Variants in MGAT5 observed in about 807,000 individuals in gnomAD.
The protein encoded by MGAT5 is alpha-1,6-mannosylglycoprotein 6-beta-N-acetylglucosaminyltransferase A.
In MGAT5, 30 loss-of-function variants were observed where a neutral mutation model predicts 94.3. The ratio of observed to expected loss-of-function variants is 0.32; its 90% CI spans 0.24 to 0.43. The LOEUF is 0.43. Among genes scored for constraint, MGAT5 ranks in the 20% least tolerant of loss-of-function variants. The pLI is 1.00. For synonymous variants in MGAT5, 310 were observed against 322.9 expected (o/e 0.96, Z 0.43); for missense variants, 691 against 905.5 (o/e 0.76, Z 3.04).
chr2:134,266,556 G>T (rs3828177), intron 1 of MGAT5, among the ~76,000 whole-genome samples: 10,891 of 152,284 alleles, frequency 0.072, 489 homozygotes, highest in East Asian at 0.15. Context: ...ACTGTTAACA[G>T]TTTTTGGAGG....
chr2:134,284,670 C>T (rs1684898734), intron 2 of MGAT5, among the ~76,000 whole-genome samples: 1 of 151,866 alleles, frequency 6.6e-6, no homozygotes, highest in African/African-American at 2.4e-5. Context: ...TAGTTCTTTC[C>T]TCAGAGCAAA....
At chr2:134,215,294 C>T (rs1320659195) in intron 1 of MGAT5, among the ~76,000 whole-genome samples, 2 of 152,160 alleles carry the variant, frequency 1.3e-5, no homozygotes, top group African/African-American at 4.8e-5. Context: ...ACAGTTGACT[C>T]TTGTCTTAGG....
intron 1 of MGAT5, among the ~76,000 whole-genome samples, chr2:134,235,992 A>G (rs750685999): frequency 3.3e-5 from 5 of 152,144 alleles, no homozygotes; most frequent in Non-Finnish European, 4.4e-5. Flanking sequence ...ATCATTCTGA[A>G]GTAGTGAAAA....
chr2:134,250,348 G>A (rs1682522002), upstream of MGAT5, among the ~76,000 whole-genome samples: 1 of 152,224 alleles, frequency 6.6e-6, no homozygotes, highest in Admixed American at 6.5e-5. Flanking sequence ...GACTTAGCTA[G>A]AGGACACAGC....
intron 4 of MGAT5, among the ~76,000 whole-genome samples, chr2:134,333,573 TTAAAG>T (rs1688132962): frequency 6.6e-6 from 1 of 151,662 alleles, no homozygotes; most frequent in African/African-American, 2.4e-5. Context: ...ACCCTAAAAC[TTAAAG>T]TATAATAATA....
chr2:134,369,727 TTG>T lies in MGAT5; in HGVS notation c.1380+7348_1380+7349del, dbSNP rs10526028. Among the ~76,000 whole-genome samples the T allele has an allele frequency of 1.3e-3, 192 of 142,280 alleles. 1 individual carries two copies. Among genetic ancestry groups the T allele is most frequent in the Non-Finnish European group, 1.6e-3 (108 of 65,614 alleles). The allele number at this position is 142,280 out of a possible 152,430, so 93.3% of individuals were successfully genotyped here. On this transcript the variant is annotated intron_variant, in intron 10 of 15. Transcript: ENST00000281923. The stretch of plus-strand genomic sequence containing the variant: ...TGGTGATAGCTTTATGGTTTTTACA[TTG>T]TGTGTGTGTGTGTGTGTGTGTGTGT...
In MGAT5 at chr2:134,164,789, C is replaced by T. The variant is rs955210021; in HGVS notation, c.-143+44498C>T. Among the ~76,000 whole-genome samples the T allele has an allele frequency of 2.0e-5, 3 of 151,352 alleles. No individual in the cohort carries two copies. The East Asian group carries it at 5.8e-4, about 29-fold the overall frequency. On this transcript the variant is annotated intron_variant, in intron 1 of 16. Coordinates refer to the MGAT5 transcript ENST00000409645. ...AGGCTGTTGTGTGCTATAATTGGGC[C>T]TGTGAATAGCCACTCTGTTCCAGCC...
intron 1 of MGAT5, among the ~76,000 whole-genome samples, chr2:134,230,989 C>T (rs1350021961): frequency 6.6e-6 from 1 of 152,158 alleles, no homozygotes; most frequent in Non-Finnish European, 1.5e-5. Context: ...TGTGCTACAA[C>T]ATTGGACCTT....
intron 1 of MGAT5, among the ~76,000 whole-genome samples, chr2:134,179,033 A>G (rs1018228393): frequency 6.6e-6 from 1 of 152,218 alleles, no homozygotes; most frequent in African/African-American, 2.4e-5. Flanking sequence ...CTGGTCATTC[A>G]TGGACATACA....
chr2:134,177,144 C>CGT lies in MGAT5; in HGVS notation c.-143+56870_-143+56871dup, dbSNP rs141358502. Among the ~76,000 whole-genome samples the CGT allele has an allele frequency of 6.7e-3, 955 of 142,622 alleles. 6 individuals are homozygous for CGT. Among genetic ancestry groups the CGT allele is most frequent in the Non-Finnish European group, 0.01 (687 of 66,814 alleles). 93.6% of individuals were successfully genotyped at this position (142,622 alleles called of 152,430 possible). ...AGGGACCTCCTGTAACAAATGAACC[C>CGT]GTGTGTGTGTGTGTGTGTATGTATC... On this transcript the variant is annotated intron_variant, in intron 1 of 16. Coordinates refer to the MGAT5 transcript ENST00000409645.
In MGAT5 at chr2:134,428,245, C is replaced by T. The variant is rs1684694355; in HGVS notation, c.1795-120C>T. 7 of 808,946 alleles carry T rather than the reference C, an allele frequency of 8.7e-6. No homozygotes were observed. In the South Asian group the frequency reaches 1.2e-4, roughly 14 times the overall value. 50.1% of individuals were successfully genotyped at this position (808,946 alleles called of 1,614,324 possible). On this transcript the variant is annotated intron_variant, in intron 13 of 15. Transcript: ENST00000281923. ...AGATCACGACTTGCAAGTCCATAGT[C>T]AACCCTCATGAGGCCGACTCCTGGT... is the stretch of plus-strand genomic sequence containing the variant.
intron 15 of MGAT5, among the ~76,000 whole-genome samples, chr2:134,443,301 C>T (rs1235994293): frequency 3.9e-5 from 6 of 152,092 alleles, no homozygotes; most frequent in South Asian, 2.1e-4. Flanking sequence ...GCAATTCTCA[C>T]GCCTCAGCCT....
chr2:134,358,144 G>T (rs1489762212), intron 9 of MGAT5, among the ~76,000 whole-genome samples: 2 of 149,692 alleles, frequency 1.3e-5, no homozygotes, highest in African/African-American at 4.9e-5. Flanking sequence ...ACCATTTACT[G>T]TATCAATCTA....
chr2:134,125,057 G>A (rs1685778475), intron 1 of MGAT5, among the ~76,000 whole-genome samples: 1 of 151,920 alleles, frequency 6.6e-6, no homozygotes, highest in African/African-American at 2.4e-5. Context: ...ATGGGAGTGT[G>A]TTATGTTGGT....
chr2:134,269,323 G>A (rs547892860), intron 1 of MGAT5, among the ~76,000 whole-genome samples: 4 of 152,218 alleles, frequency 2.6e-5, no homozygotes, highest in South Asian at 4.1e-4. Context: ...CCAGATTACC[G>A]CATCTGCTCA....
intron 1 of MGAT5, among the ~76,000 whole-genome samples, chr2:134,175,720 C>T (rs895444248): frequency 6.6e-6 from 1 of 152,188 alleles, no homozygotes; most frequent in Non-Finnish European, 1.5e-5. Flanking sequence ...ATAGTTGATG[C>T]CACTTTGTGA....
chr2:134,449,706 ACCCT>A lies in MGAT5; in HGVS notation c.*866_*869del, dbSNP rs1201617731. On this transcript the variant is annotated 3_prime_UTR_variant, in exon 16 of 16. Coordinates refer to ENST00000281923, the MANE Select transcript of MGAT5 (RefSeq NM_002410.5). ...GGATTTTGGAGTTTCTGGTAAACTC[ACCCT>A]CCCTCCAGCCCCGCTATGAGGAGGA... 6.6e-6 allele frequency: 1 copy of A among 152,178 alleles called. No individual in the cohort carries two copies. The highest frequency in any genetic ancestry group is 6.5e-5 in the Admixed American group (1 of 15,276). 9.4% of individuals were successfully genotyped at this position (152,178 alleles called of 1,614,324 possible). A position where few individuals can be genotyped will look rare whatever the true frequency, so the allele number is the denominator to read the frequency against.
intron 1 of MGAT5, among the ~76,000 whole-genome samples, chr2:134,172,543 C>G (rs559821636): frequency 6.6e-6 from 1 of 152,248 alleles, no homozygotes; most frequent in East Asian, 1.9e-4. Context: ...CCCACCACCA[C>G]GCCCAGCTAA....
At chr2:134,408,954 T>G (rs1683493620) in intron 11 of MGAT5, among the ~76,000 whole-genome samples, 1 of 152,246 alleles carries the variant, frequency 6.6e-6, no homozygotes, top group Non-Finnish European at 1.5e-5. Context: ...TGGCAGTCAC[T>G]GTAAACCATA....
Sources: gnomAD v4.1 joint callset for allele counts (sites outside exome capture counted in the v4.1 genomes callset) on GRCh38, gnomAD v4.1.1 for gene constraint, MANE v1.5 for transcripts, NCBI Gene and HGNC (gene_info 2026-07-23, HGNC 2026-07-21) for gene names.